NEBL: variants seen among roughly 807,000 people sequenced by gnomAD.
The protein encoded by NEBL is nebulette.
A neutral mutation model predicts 140.2 loss-of-function variants in NEBL; 122 were observed. The ratio of observed to expected loss-of-function variants is 0.87; its 90% confidence interval spans 0.75 to 1.01. The LOEUF (loss-of-function observed/expected upper bound fraction) is 1.01, where lower values mean the gene tolerates loss of function less well. NEBL is among the 50% of genes least tolerant of loss of function. NEBL has a pLI of 0.00. For missense variants in NEBL, 1,365 were observed against 1,231.3 expected (o/e 1.11, Z -1.62); for synonymous variants, 436 against 398.9 (o/e 1.09, Z -1.11).
chr10:21,026,582 T>G (rs942932677), intron 2 of NEBL, among the ~76,000 whole-genome samples: 3 of 152,240 alleles, frequency 2.0e-5, no homozygotes, highest in Admixed American at 6.5e-5. Context: ...CCTGAGCACT[T>G]AAGTCCACCT....
chr10:20,854,934 C>T (rs1012699629), intron 9 of NEBL, among the ~76,000 whole-genome samples: 1 of 151,924 alleles, frequency 6.6e-6, no homozygotes, highest in African/African-American at 2.4e-5. Context: ...TTTAAAAAAG[C>T]CTTTTTTTGG....
chr10:20,839,148 C>T (rs1393657360), intron 13 of NEBL, among the ~76,000 whole-genome samples: 1 of 152,130 alleles, frequency 6.6e-6, no homozygotes, highest in Non-Finnish European at 1.5e-5. Flanking sequence ...TCTTATTCTC[C>T]TAGGCCGGTT....
chr10:21,151,735 T>A (rs1478689857), intron 2 of NEBL, among the ~76,000 whole-genome samples: 1 of 152,164 alleles, frequency 6.6e-6, no homozygotes, highest in Non-Finnish European at 1.5e-5. Flanking sequence ...CCCTTGCTAT[T>A]CCCTTGCCTA....
intron 17 of NEBL, among the ~76,000 whole-genome samples, chr10:20,827,432 C>T (rs987408449): frequency 6.6e-6 from 1 of 152,166 alleles, no homozygotes; most frequent in Non-Finnish European, 1.5e-5. Flanking sequence ...CTGGCGCTTG[C>T]CAACTAATTA....
chr10:20,929,527 C>A (rs1196965508), intron 4 of NEBL, among the ~76,000 whole-genome samples: 1 of 152,018 alleles, frequency 6.6e-6, no homozygotes, highest in Admixed American at 6.6e-5. Flanking sequence ...AGACAGATGC[C>A]CTTGCATCTA....
At chr10:21,269,643 C>T (rs1038367340) in intron 1 of NEBL, among the ~76,000 whole-genome samples, 2 of 152,198 alleles carry the variant, frequency 1.3e-5, no homozygotes, top group Non-Finnish European at 2.9e-5. Context: ...GGATGAAGCC[C>T]ACAGTTCATT....
rs370541328 is a variant in NEBL, at chr10:21,071,177, AAAT to A, written c.165-50979_165-50977del. On this transcript the variant is annotated intron_variant, in intron 2 of 6. Transcript: ENST00000417816. The stretch of plus-strand genomic sequence containing the variant: ...CAGTGACACTCTGTCTCTAAACAAT[AAAT>A]AATAATAATATTTTATTTTTAATAT... Among the ~76,000 whole-genome samples, 871 of 150,044 alleles carry A rather than the reference AAAT, an allele frequency of 5.8e-3. 6 individuals carry two copies. Among genetic ancestry groups the A allele is most frequent in the African/African-American group, 0.021 (845 of 41,140 alleles).
Position 20,831,259 on chromosome 10 carries a change from C to T in NEBL, c.1608G>A (p.Met536Ile). The change falls in exon 16 of 28, where the codon ATG becomes ATA. Residue 536 changes from methionine to isoleucine, a missense_variant. Around this residue, in one of 2 missense-constraint regions of NEBL, gnomAD observed 1,323 missense variants for 1,154.8 expected, o/e 1.15. Transcript: ENST00000377122. ...TATCTGGGATATCCATGCTCACTTG[C>T]ATTCCTTTCCCTTTAATTTCATTTT... ...DLENEIKGKG[M>I]QVSMDIPDIL... The T allele has an allele frequency of 2.5e-6, 4 of 1,613,496 alleles. No homozygotes were observed. The highest frequency in any genetic ancestry group is 1.7e-5 in the Admixed American group (1 of 59,966).
At chr10:21,052,041 T>C (rs1834801219) in intron 2 of NEBL, among the ~76,000 whole-genome samples, 1 of 151,964 alleles carries the variant, frequency 6.6e-6, no homozygotes, top group African/African-American at 2.4e-5. Context: ...GATATTCACA[T>C]GGTTCAAAAT....
chr10:20,870,974 G>A (rs2131250692), intron 5 of NEBL, among the ~76,000 whole-genome samples: 1 of 152,246 alleles, frequency 6.6e-6, no homozygotes, highest in Non-Finnish European at 1.5e-5. Context: ...TTTATTTCTT[G>A]CGATTTGTCT....
At chr10:21,166,219 CAAAAAAA>C (rs1170225891) in intron 2 of NEBL, among the ~76,000 whole-genome samples, 10 of 35,396 alleles carry the variant, frequency 2.8e-4, no homozygotes, top group South Asian at 2.6e-3. Context: ...GACTGTGTCT[CAAAAAAA>C]AAAAAAAAAA....
upstream of NEBL, among the ~76,000 whole-genome samples, chr10:21,175,934 T>A (rs1841290276): frequency 6.6e-6 from 1 of 152,212 alleles, no homozygotes; most frequent in Admixed American, 6.5e-5. Context: ...AGAATGTTGG[T>A]GATATGTGAC....
chr10:20,929,746 A>C (rs1398106265), intron 4 of NEBL, among the ~76,000 whole-genome samples: 1 of 142,814 alleles, frequency 7.0e-6, no homozygotes, highest in Non-Finnish European at 1.5e-5. Context: ...AGAGACTTGG[A>C]AAGTGGGGAG....
chr10:21,071,199 T>C (rs904960234), intron 2 of NEBL, among the ~76,000 whole-genome samples: 20 of 149,028 alleles, frequency 1.3e-4, no homozygotes, highest in African/African-American at 4.4e-4. Context: ...TATTTTATTT[T>C]TAATATTATT....
intron 9 of NEBL, among the ~76,000 whole-genome samples, chr10:20,855,043 G>C (rs982828478): frequency 1.3e-5 from 2 of 151,942 alleles, no homozygotes; most frequent in African/African-American, 2.4e-5. Flanking sequence ...GGCCAACATG[G>C]TCAAACTCTA....
intron 2 of NEBL, among the ~76,000 whole-genome samples, chr10:21,107,379 A>G (rs938310691): frequency 6.6e-6 from 1 of 152,044 alleles, no homozygotes; most frequent in Non-Finnish European, 1.5e-5. Flanking sequence ...TAGCATGAAG[A>G]CCTGTTGAAT....
intron 4 of NEBL, among the ~76,000 whole-genome samples, chr10:20,930,120 C>T (rs994615313): frequency 1.2e-4 from 18 of 152,050 alleles, no homozygotes; most frequent in Non-Finnish European, 1.9e-4. Context: ...AACAGCTTAA[C>T]GGCCACCTCC....
intron 3 of NEBL, among the ~76,000 whole-genome samples, chr10:20,968,224 G>A (rs1836412299): frequency 6.6e-6 from 1 of 152,072 alleles, no homozygotes; most frequent in African/African-American, 2.4e-5. Flanking sequence ...ATGGATTAGG[G>A]CCAGGCACCG....
chr10:20,959,922 A>G (rs1392935924), intron 4 of NEBL, among the ~76,000 whole-genome samples: 1 of 152,048 alleles, frequency 6.6e-6, no homozygotes, highest in East Asian at 1.9e-4. Context: ...ATTAATACAT[A>G]CCTGTGTGAT....
Sources: allele counts gnomAD v4.1 joint callset (sites outside exome capture counted in the v4.1 genomes callset), GRCh38; gene constraint gnomAD v4.1.1; regional missense constraint gnomAD v4.1.1; transcripts MANE v1.5; gene names NCBI Gene and HGNC (gene_info 2026-07-23, HGNC 2026-07-21).